Variants in AOPEP observed in about 807,000 individuals in gnomAD.
The protein encoded by AOPEP is aminopeptidase O (putative), also known as aminopeptidase O.
In AOPEP, 77 loss-of-function variants were observed where a neutral mutation model predicts 98.1. The ratio of observed to expected loss-of-function variants is 0.78; its 90% CI spans 0.65 to 0.95. The LOEUF is 0.95. Ranked by LOEUF, AOPEP falls within the 40% of genes least tolerant of loss-of-function variation. AOPEP has a pLI of 0.00. For synonymous variants in AOPEP, 346 were observed against 365.3 expected (o/e 0.95, Z 0.60); for missense variants, 1,024 against 1,024.7 (o/e 1.00, Z 0.01).
At chr9:95,136,409 T>G in the AOPEP span, among the ~76,000 whole-genome samples, 1 of 151,720 alleles carries the variant, frequency 6.6e-6, no homozygotes, top group Non-Finnish European at 1.5e-5. Context: ...ATTTCATATA[T>G]GGTAGTTATG....
intron 3 of AOPEP, among the ~76,000 whole-genome samples, chr9:94,777,571 A>T (rs1842403750): frequency 6.7e-6 from 1 of 148,690 alleles, no homozygotes; most frequent in Non-Finnish European, 1.5e-5. Context: ...CATATACCGG[A>T]TGTATTTGTA....
chr9:94,727,538 G>T (rs1389664684), intron 1 of AOPEP, among the ~76,000 whole-genome samples: 1 of 152,250 alleles, frequency 6.6e-6, no homozygotes, highest in African/African-American at 2.4e-5. Flanking sequence ...CAACAATAAG[G>T]TTCATATGGT....
At chr9:94,844,894 C>G (rs2042674177) in intron 5 of AOPEP, among the ~76,000 whole-genome samples, 1 of 151,970 alleles carries the variant, frequency 6.6e-6, no homozygotes. Context: ...TACAAGTTAC[C>G]TGAGTGAGTG....
chr9:94,775,686 C>T (rs920525119), intron 3 of AOPEP, among the ~76,000 whole-genome samples: 18 of 151,758 alleles, frequency 1.2e-4, no homozygotes, highest in African/African-American at 4.1e-4. Context: ...TTAAAAACAA[C>T]ACATTTAGGC....
At chr9:94,973,609 A>G (rs574582311) in intron 10 of AOPEP, among the ~76,000 whole-genome samples, 2 of 152,208 alleles carry the variant, frequency 1.3e-5, no homozygotes, top group Non-Finnish European at 2.9e-5. Context: ...TGCACCAGGG[A>G]ACAGCCAGCC....
intron 5 of AOPEP, among the ~76,000 whole-genome samples, chr9:94,918,395 G>A (rs996395781): frequency 6.6e-6 from 1 of 152,236 alleles, no homozygotes; most frequent in Non-Finnish European, 1.5e-5. Flanking sequence ...GTCTCAGGAC[G>A]TGGTTGATAG....
chr9:94,730,420 T>G (rs1219805946), intron 1 of AOPEP, among the ~76,000 whole-genome samples: 1 of 152,192 alleles, frequency 6.6e-6, no homozygotes, highest in Non-Finnish European at 1.5e-5. Context: ...CAGGCCTGTT[T>G]CCTAACAGCA....
intron 1 of AOPEP, among the ~76,000 whole-genome samples, chr9:94,735,899 T>C (rs953117922): frequency 6.6e-6 from 1 of 152,224 alleles, no homozygotes; most frequent in Non-Finnish European, 1.5e-5. Flanking sequence ...ACATTTCATG[T>C]AAATGTAATC....
chr9:94,804,739 T>C (rs903066217), intron 5 of AOPEP, among the ~76,000 whole-genome samples: 3 of 152,228 alleles, frequency 2.0e-5, no homozygotes, highest in South Asian at 2.1e-4. Context: ...TCTGTCCTTA[T>C]GAAATGGACA....
chr9:94,870,979 G>A (rs560063501), intron 5 of AOPEP, among the ~76,000 whole-genome samples: 3 of 152,288 alleles, frequency 2.0e-5, no homozygotes, highest in South Asian at 4.1e-4. Context: ...CAGTAAAGTA[G>A]TGCACATGTG....
intron 14 of AOPEP, among the ~76,000 whole-genome samples, chr9:95,078,336 G>A (rs2069316180): frequency 6.6e-6 from 1 of 152,150 alleles, no homozygotes; most frequent in Non-Finnish European, 1.5e-5. Context: ...GTGTAAATAA[G>A]ATGAAGGAAA....
downstream of AOPEP, among the ~76,000 whole-genome samples, chr9:95,087,482 CAAAAAAAAAA>C (rs746666179): frequency 8.0e-4 from 30 of 37,434 alleles, 1 homozygote; most frequent in East Asian, 2.9e-3. Flanking sequence ...GACTCCATCT[CAAAAAAAAAA>C]AAAAAAAAAA....
At chr9:94,997,824 C>T (rs888765351) in intron 11 of AOPEP, among the ~76,000 whole-genome samples, 2 of 152,218 alleles carry the variant, frequency 1.3e-5, no homozygotes, top group Non-Finnish European at 2.9e-5. Flanking sequence ...CTCCTGAGTA[C>T]CTGGGACTAG....
chr9:95,114,639 G>C, the AOPEP span: 9 of 1,613,794 alleles, frequency 5.6e-6, no homozygotes, highest in African/African-American at 1.3e-5. Context: ...CCATGAGTCT[G>C]GTCTTCAACT....
chr9:95,037,824 G>A (rs1314681044), intron 13 of AOPEP, among the ~76,000 whole-genome samples: 2 of 152,192 alleles, frequency 1.3e-5, no homozygotes, highest in African/African-American at 4.8e-5. Flanking sequence ...CTCAGTGCAA[G>A]CTAATACATT....
At chr9:94,892,917 A>G (rs1383501532) in intron 5 of AOPEP, among the ~76,000 whole-genome samples, 1 of 152,060 alleles carries the variant, frequency 6.6e-6, no homozygotes, top group Non-Finnish European at 1.5e-5. Flanking sequence ...TGTCTTGAAC[A>G]CCTGACCTCA....
At chr9:94,896,249 G>A (rs188715690) in intron 5 of AOPEP, among the ~76,000 whole-genome samples, 6 of 152,272 alleles carry the variant, frequency 3.9e-5, no homozygotes, top group African/African-American at 1.2e-4. Context: ...TGGAAGAAGA[G>A]CTCCCATTTA....
At chr9:94,944,628 G>C (rs1462624020) in intron 7 of AOPEP, among the ~76,000 whole-genome samples, 1 of 152,116 alleles carries the variant, frequency 6.6e-6, no homozygotes, top group Non-Finnish European at 1.5e-5. Flanking sequence ...GCCATGGCAC[G>C]ATCATGGCTC....
chr9:95,086,271 G>A (rs757454756), intron 16 of AOPEP: 73 of 985,330 alleles, frequency 7.4e-5, no homozygotes, highest in Non-Finnish European at 8.6e-5. Context: ...GGAAAACCCT[G>A]TTGGCAGAAA....
Sources: gnomAD v4.1 joint callset for allele counts (sites outside exome capture counted in the v4.1 genomes callset) on GRCh38, gnomAD v4.1.1 for gene constraint, MANE v1.5 for transcripts, NCBI Gene and HGNC (gene_info 2026-07-23, HGNC 2026-07-21) for gene names.